PPP1R16B: variants seen among roughly 807,000 people sequenced by gnomAD.
PPP1R16B encodes protein phosphatase 1 regulatory inhibitor subunit 16B.
PPP1R16B carries 14 observed loss-of-function variants against 61.7 expected under a neutral mutation model. The observed-to-expected ratio is 0.23, with a 90% CI of 0.15 to 0.35. PPP1R16B has a LOEUF of 0.35. PPP1R16B is among the 10% of genes least tolerant of loss of function. PPP1R16B has a pLI of 1.00. For missense variants in PPP1R16B, 547 were observed against 752.5 expected, an observed-to-expected ratio of 0.73 and a Z score of 3.19; for synonymous variants, 266 against 305.3, an observed-to-expected ratio of 0.87 and a Z score of 1.34.
intron 2 of PPP1R16B, among the ~76,000 whole-genome samples, chr20:38,840,576 C>T (rs1463216531): frequency 6.6e-6 from 1 of 152,216 alleles, no homozygotes; most frequent in African/African-American, 2.4e-5. Context: ...GGACACTCTT[C>T]CTGTGACTAA....
At chr20:38,892,213 C>T (rs975810282) in intron 3 of PPP1R16B, among the ~76,000 whole-genome samples, 3 of 152,130 alleles carry the variant, frequency 2.0e-5, no homozygotes, top group African/African-American at 7.2e-5. Flanking sequence ...AATGAACTCT[C>T]AAGTGGCACC....
intron 4 of PPP1R16B, among the ~76,000 whole-genome samples, chr20:38,898,448 G>A (rs1195154720): frequency 1.3e-5 from 2 of 152,044 alleles, no homozygotes. Context: ...TCTTTTTCAG[G>A]GTTGTGTTGG....
At chr20:38,861,673 CTTTTTTTTTT>C (rs869187206) in intron 2 of PPP1R16B, among the ~76,000 whole-genome samples, 5 of 125,624 alleles carry the variant, frequency 4.0e-5, no homozygotes, top group South Asian at 5.0e-4. Flanking sequence ...TGCAGTTCTT[CTTTTTTTTTT>C]TTTTTTTTTT....
rs374511267 is a variant in PPP1R16B, at chr20:38,806,928, C to A, written c.-102+1136C>A. On this transcript the variant is annotated intron_variant, in intron 1 of 10. Transcript: ENST00000299824. This position sits in a 1 kb window ranked among gnomAD's most constrained non-coding sequence, Gnocchi z 4.5. The stretch of plus-strand genomic sequence containing the variant: ...TGGCTTCATCAGCGCTTCTAGGAAC[C>A]GAAAACCGAGCTGCCTGCGCGCCCA... Among the ~76,000 whole-genome samples, 50 of 152,272 alleles carry A rather than the reference C, an allele frequency of 3.3e-4. No homozygotes were observed. Among genetic ancestry groups the A allele is most frequent in the African/African-American group, 1.1e-3 (47 of 41,578 alleles).
intron 2 of PPP1R16B, among the ~76,000 whole-genome samples, chr20:38,886,527 T>C (rs2085246249): frequency 6.6e-6 from 1 of 152,200 alleles, no homozygotes; most frequent in Non-Finnish European, 1.5e-5. Flanking sequence ...AGGGATATAG[T>C]GGCCACTGCT....
At chr20:38,891,879 T>C (rs1384698419) in intron 3 of PPP1R16B, among the ~76,000 whole-genome samples, 1 of 152,126 alleles carries the variant, frequency 6.6e-6, no homozygotes, top group African/African-American at 2.4e-5. Context: ...TAGAACTTTC[T>C]ACAATGATGG....
intron 3 of PPP1R16B, among the ~76,000 whole-genome samples, chr20:38,890,193 C>T (rs765441028): frequency 4.6e-5 from 7 of 152,240 alleles, no homozygotes; most frequent in Non-Finnish European, 1.0e-4. Context: ...CTGCTACAGC[C>T]TCGTAACTGG....
intron 1 of PPP1R16B, among the ~76,000 whole-genome samples, chr20:38,823,010 T>G (rs984301664): frequency 2.0e-5 from 3 of 151,774 alleles, no homozygotes; most frequent in Non-Finnish European, 4.4e-5. Flanking sequence ...ATACAACCGG[T>G]GAGAGGGAAG....
At chr20:38,840,087 G>C (rs2084900094) in intron 2 of PPP1R16B, among the ~76,000 whole-genome samples, 1 of 152,214 alleles carries the variant, frequency 6.6e-6, no homozygotes, top group African/African-American at 2.4e-5. Flanking sequence ...GCCTGGGTTT[G>C]GATGAGGGGT....
Position 38,898,394 on chromosome 20 carries a change from G to A in PPP1R16B, c.468-2187G>A, listed in dbSNP as rs140662331. ...CACTGTTTGATGCTAGAGTTTTGGA[G>A]TTCGTTTTGAAATCAGGAAGTGTGA... On this transcript the variant is annotated intron_variant, in intron 4 of 10. Coordinates refer to ENST00000299824, the MANE Select transcript of PPP1R16B (RefSeq NM_015568.4). Among the ~76,000 whole-genome samples, 42 of 152,284 alleles carry A rather than the reference G, an allele frequency of 2.8e-4. No individual in the cohort carries two copies. The East Asian group carries it at 6.9e-3, about 25-fold the overall frequency.
At chr20:38,891,525 C>T (rs976297120) in intron 3 of PPP1R16B, among the ~76,000 whole-genome samples, 5 of 152,186 alleles carry the variant, frequency 3.3e-5, no homozygotes, top group African/African-American at 4.8e-5. Flanking sequence ...CCAGGCCAGG[C>T]GTGGTGGCTC....
intron 6 of PPP1R16B, among the ~76,000 whole-genome samples, chr20:38,905,070 T>TGGGA (rs2085428623): frequency 6.6e-6 from 1 of 152,250 alleles, no homozygotes; most frequent in Non-Finnish European, 1.5e-5. Context: ...AGGCCTTGAA[T>TGGGA]GGGATCACAG....
At chr20:38,886,021 A>C (rs1046556484) in intron 2 of PPP1R16B, among the ~76,000 whole-genome samples, 1 of 152,186 alleles carries the variant, frequency 6.6e-6, no homozygotes, top group Non-Finnish European at 1.5e-5. Flanking sequence ...AGTGATCCAC[A>C]TGCCTTGGCA....
intron 2 of PPP1R16B, among the ~76,000 whole-genome samples, chr20:38,881,863 C>T (rs905827224): frequency 5.3e-5 from 8 of 152,176 alleles, no homozygotes; most frequent in African/African-American, 1.9e-4. Context: ...ATGCTTCCTT[C>T]CCTGGGTCCT....
At chr20:38,809,916 G>A (rs1181471144) in intron 1 of PPP1R16B, among the ~76,000 whole-genome samples, 1 of 150,328 alleles carries the variant, frequency 6.7e-6, no homozygotes, top group East Asian at 2.0e-4. Flanking sequence ...GGGAAGTGGA[G>A]GCTCCTGTGA....
At position 38,836,065 on chromosome 20, in the gene PPP1R16B, G is replaced by A. The variant is rs1270812580; in HGVS notation, c.140G>A (p.Arg47His). 3.1e-6 allele frequency: 5 copies of A among 1,610,904 alleles called. No individual in the cohort carries two copies. The highest frequency in any genetic ancestry group is 4.2e-6 in the Non-Finnish European group (5 of 1,179,308). ...CAGTACGAGCAGGACTTGCAGCACC[G>A]CAAGCGAAAGCATGAGCGGAAGCGC... The part of the protein sequence containing the change: ...WAQYEQDLQH[R>H]KRKHERKRST... Residue 47 changes from arginine (R) to histidine (H), a missense_variant, in exon 2 of 11, where the codon CGC (arginine) becomes CAC (histidine). Transcript: ENST00000299824.
Position 38,922,343 on chromosome 20 carries a change from C to G in PPP1R16B, c.*3677C>G, listed in dbSNP as rs976055557. On this transcript the variant is annotated 3_prime_UTR_variant, in exon 11 of 11. Coordinates refer to ENST00000299824, the MANE Select transcript of PPP1R16B (RefSeq NM_015568.4). ...TCCTGAGCTCTCTCACCTACCTGCT[C>G]TCTCTCCTAGAGCAGGATACTGGGG... The G allele has an allele frequency of 3.3e-5, 5 of 152,682 alleles. No homozygotes were observed. Among genetic ancestry groups the G allele is most frequent in the South Asian group, 2.1e-4 (1 of 4,830 alleles). 9.5% of individuals were successfully genotyped at this position (152,682 alleles called of 1,614,324 possible). A position where few individuals can be genotyped will look rare whatever the true frequency, so the allele number is the denominator to read the frequency against.
intron 2 of PPP1R16B, among the ~76,000 whole-genome samples, chr20:38,849,664 AAACAAC>A (rs1208321883): frequency 6.8e-6 from 1 of 147,476 alleles, no homozygotes. Context: ...CCTGATTTAA[AAACAAC>A]AACAACAACA....
chr20:38,866,821 A>G (rs774584207), intron 2 of PPP1R16B, among the ~76,000 whole-genome samples: 2 of 152,204 alleles, frequency 1.3e-5, no homozygotes, highest in Non-Finnish European at 2.9e-5. Context: ...GTGGCATTTA[A>G]GTACCTTCAC....
Sources: allele counts gnomAD v4.1 joint callset (sites outside exome capture counted in the v4.1 genomes callset), GRCh38; gene constraint gnomAD v4.1.1; non-coding constraint Gnocchi (gnomAD v3.1); transcripts MANE v1.5; gene names NCBI Gene and HGNC (gene_info 2026-07-23, HGNC 2026-07-21).